EYS: variants seen among roughly 807,000 people sequenced by gnomAD.
The protein encoded by EYS is protein eyes shut homolog.
Under a neutral mutation model 282.1 loss-of-function variants are expected in EYS, and 250 were observed. That is an observed-to-expected ratio of 0.89 (90% CI 0.80 to 0.98). The LOEUF (loss-of-function observed/expected upper bound fraction) is 0.98. EYS is among the 50% of genes least tolerant of loss of function. EYS has a pLI of 0.00. For missense variants in EYS, 4,016 were observed against 3,709.0 expected (o/e 1.08, Z -2.15); for synonymous variants, 1,355 against 1,282.9 (o/e 1.06, Z -1.20).
chr6:65,317,671 T>C (rs1480949514), intron 11 of EYS, among the ~76,000 whole-genome samples: 8 of 152,128 alleles, frequency 5.3e-5, no homozygotes, highest in Admixed American at 3.3e-4. Flanking sequence ...GGGCTGCCAT[T>C]GTCTCAAGGC....
chr6:64,750,424 A>AG (rs1413775991), intron 22 of EYS, among the ~76,000 whole-genome samples: 1 of 151,614 alleles, frequency 6.6e-6, no homozygotes, highest in Non-Finnish European at 1.5e-5. Context: ...GGAAAGTAAA[A>AG]AAAAAAAAGC....
intron 28 of EYS, among the ~76,000 whole-genome samples, chr6:64,392,137 T>A (rs989488227): frequency 2.0e-5 from 3 of 147,290 alleles, no homozygotes; most frequent in South Asian, 2.2e-4. Flanking sequence ...AAGTCCTGAG[T>A]GACCTACAAA....
At chr6:64,404,660 A>G (rs1773651430) in intron 28 of EYS, among the ~76,000 whole-genome samples, 1 of 152,166 alleles carries the variant, frequency 6.6e-6, no homozygotes, top group East Asian at 1.9e-4. Flanking sequence ...GACAATATGC[A>G]TCAAACATCA....
chr6:65,241,544 A>G (rs1767058371), intron 12 of EYS, among the ~76,000 whole-genome samples: 1 of 152,122 alleles, frequency 6.6e-6, no homozygotes, highest in African/African-American at 2.4e-5. Flanking sequence ...ATTTTTACAA[A>G]AATTTCATTT....
At chr6:65,090,159 T>C (rs1437513205) in intron 12 of EYS, among the ~76,000 whole-genome samples, 2 of 152,024 alleles carry the variant, frequency 1.3e-5, no homozygotes, top group African/African-American at 4.8e-5. Flanking sequence ...TGAATTGTAA[T>C]ACCCATAATC....
At chr6:63,800,386 T>C (rs548039345) in intron 37 of EYS, among the ~76,000 whole-genome samples, 1 of 152,336 alleles carries the variant, frequency 6.6e-6, no homozygotes, top group African/African-American at 2.4e-5. Context: ...AGTATTTATA[T>C]GTGACAGCCA....
intron 2 of EYS, among the ~76,000 whole-genome samples, chr6:65,562,616 T>G (rs903688544): frequency 2.6e-5 from 4 of 152,014 alleles, no homozygotes; most frequent in African/African-American, 9.7e-5. Flanking sequence ...GTGCTCAATT[T>G]CCCAAAATAT....
intron 12 of EYS, among the ~76,000 whole-genome samples, chr6:65,232,068 G>C (rs1000336518): frequency 6.6e-6 from 1 of 151,852 alleles, no homozygotes; most frequent in African/African-American, 2.4e-5. Context: ...AAGTAAAAAA[G>C]CAGGTCTGTA....
At chr6:65,189,461 A>G (rs1034772428) in intron 12 of EYS, among the ~76,000 whole-genome samples, 18 of 151,790 alleles carry the variant, frequency 1.2e-4, no homozygotes, top group African/African-American at 2.7e-4. Flanking sequence ...CTCAAGATCA[A>G]TGCTGCTGAG....
intron 31 of EYS, among the ~76,000 whole-genome samples, chr6:64,190,048 T>C (rs1268661817): frequency 6.6e-6 from 1 of 152,156 alleles, no homozygotes; most frequent in African/African-American, 2.4e-5. Flanking sequence ...TACGTAACAA[T>C]AGCATCAACA....
chr6:65,443,590 A>T (rs1314876676), intron 5 of EYS, among the ~76,000 whole-genome samples: 1 of 151,798 alleles, frequency 6.6e-6, no homozygotes, highest in African/African-American at 2.4e-5. Flanking sequence ...ATACACATAT[A>T]CATATACATC....
chr6:63,940,874 C>T (rs1217906603), intron 35 of EYS, among the ~76,000 whole-genome samples: 4 of 145,194 alleles, frequency 2.8e-5, no homozygotes, highest in Non-Finnish European at 6.0e-5. Context: ...TGATGTTCCC[C>T]ACCCTGTGTC....
At chr6:65,290,365 C>A (rs1768490191) in intron 12 of EYS, among the ~76,000 whole-genome samples, 1 of 150,794 alleles carries the variant, frequency 6.6e-6, no homozygotes, top group African/African-American at 2.4e-5. Flanking sequence ...AGAGAAAATA[C>A]AAAAGATGAA....
At chr6:64,892,361 T>C (rs1400163049) in intron 18 of EYS, among the ~76,000 whole-genome samples, 3 of 152,064 alleles carry the variant, frequency 2.0e-5, no homozygotes, top group East Asian at 3.9e-4. Context: ...AATGAGAGTT[T>C]TGATTTTAAA....
chr6:65,474,748 G>T (rs568910255), intron 5 of EYS, among the ~76,000 whole-genome samples: 2 of 152,096 alleles, frequency 1.3e-5, no homozygotes, highest in Non-Finnish European at 2.9e-5. Flanking sequence ...GAAAATAAAT[G>T]TTGTCATTGT....
intron 14 of EYS, among the ~76,000 whole-genome samples, chr6:64,966,064 T>C (rs181622272): frequency 6.6e-6 from 1 of 152,264 alleles, no homozygotes; most frequent in Non-Finnish European, 1.5e-5. Context: ...ACAGGGAATT[T>C]AATTTAATCT....
At chr6:64,498,322 T>C (rs1360782558) in intron 26 of EYS, among the ~76,000 whole-genome samples, 4 of 152,172 alleles carry the variant, frequency 2.6e-5, no homozygotes, top group Non-Finnish European at 5.9e-5. Context: ...ACAAAGCTAA[T>C]AGGTCCTGAA....
At chr6:64,275,562 G>A (rs540483523) in intron 30 of EYS, among the ~76,000 whole-genome samples, 8 of 150,428 alleles carry the variant, frequency 5.3e-5, no homozygotes, top group African/African-American at 1.7e-4. Flanking sequence ...GACTATGTGC[G>A]CCTGCCACCA....
In EYS at chr6:63,762,472, T is replaced by C. The variant is rs1769667650; in HGVS notation, c.8060A>G (p.Tyr2687Cys). The change falls in exon 41 of 43, where the codon TAC becomes TGC. Residue 2687 changes from tyrosine to cysteine, a missense_variant. Transcript: ENST00000503581. Reference sequence around the variant, plus strand: ...AAATTCTGCCTCACCTTGTTCACAGTAGATTCCAGTGGTTCCTAGAGGACA... The same window carrying C: ...AAATTCTGCCTCACCTTGTTCACAGCAGATTCCAGTGGTTCCTAGAGGACA... The part of the protein sequence containing the change: ...CFCPLGTTGI[Y>C]CEQALSISDP... The C allele has an allele frequency of 1.9e-6, 3 of 1,550,022 alleles. No individual in the cohort carries two copies. The highest frequency in any genetic ancestry group is 2.6e-6 in the Non-Finnish European group (3 of 1,145,816).
Sources: allele counts gnomAD v4.1 joint callset (sites outside exome capture counted in the v4.1 genomes callset), GRCh38; gene constraint gnomAD v4.1.1; transcripts MANE v1.5; gene names NCBI Gene and HGNC (gene_info 2026-07-23, HGNC 2026-07-21).